NRXN3: variants seen among roughly 807,000 people sequenced by gnomAD.
NRXN3 encodes neurexin 3, also known as neurexin III.
Under a neutral mutation model 137.6 loss-of-function variants are expected in NRXN3, and 32 were observed. The observed-to-expected ratio is 0.23, with a 90% CI of 0.18 to 0.31. The LOEUF is 0.31. Among genes scored for constraint, NRXN3 ranks in the 10% least tolerant of loss-of-function variants. The pLI is 1.00. For synonymous variants in NRXN3, 798 were observed against 784.5 expected (o/e 1.02, Z -0.29); for missense variants, 1,574 against 2,062.5 (o/e 0.76, Z 4.59).
chr14:79,692,274 T>C lies in NRXN3; in HGVS notation c.3706+12T>C. ...GCTGCAGGAAAAAGGTAACCGTCAT[T>C]AAAACTTTCATTTTAAAATCATTTG... On this transcript the variant is annotated intron_variant, in intron 18 of 20. Coordinates refer to ENST00000335750, the MANE Select transcript of NRXN3 (RefSeq NM_001330195.2). The C allele has an allele frequency of 3.2e-6, 5 of 1,579,208 alleles. No individual in the cohort carries two copies. Among genetic ancestry groups the C allele is most frequent in the Non-Finnish European group, 4.3e-6 (5 of 1,156,400 alleles).
chr14:78,891,339 C>G (rs2099158289), intron 10 of NRXN3, among the ~76,000 whole-genome samples: 1 of 151,950 alleles, frequency 6.6e-6, no homozygotes, highest in South Asian at 2.1e-4. Context: ...TGAGGTCATG[C>G]TCTAGTAGTG....
intron 4 of NRXN3, among the ~76,000 whole-genome samples, chr14:78,601,917 T>C (rs925280251): frequency 2.0e-5 from 3 of 152,234 alleles, no homozygotes; most frequent in African/African-American, 7.2e-5. Flanking sequence ...TCATTGAGTG[T>C]CTCCTCAAAG....
At position 78,784,359 on chromosome 14, in the gene NRXN3, C is replaced by A. The variant is rs1039449626; in HGVS notation, c.2045-19261C>A. Among the ~76,000 whole-genome samples, 12 of 152,128 alleles carry A rather than the reference C, an allele frequency of 7.9e-5. No homozygotes were observed. The South Asian group carries it at 1.0e-3, about 13-fold the overall frequency. ...GTTTAAGGAAACAAAAGTAAGCCAG[C>A]ATGCTGGGCTGTAATGGACAAGGAG... On this transcript the variant is annotated intron_variant, in intron 8 of 20. Transcript: ENST00000335750.
intron 15 of NRXN3, among the ~76,000 whole-genome samples, chr14:79,036,813 T>C (rs1568068063): frequency 6.6e-6 from 1 of 151,946 alleles, no homozygotes; most frequent in African/African-American, 2.4e-5. Context: ...ACTATTTTTA[T>C]AGTATTGTTG....
At chr14:78,821,379 G>T (rs774320695) in intron 10 of NRXN3, among the ~76,000 whole-genome samples, 1 of 152,150 alleles carries the variant, frequency 6.6e-6, no homozygotes. Context: ...CTTATTTCCT[G>T]TGAGGGGTTT....
chr14:78,712,759 C>T (rs892221147), intron 7 of NRXN3, among the ~76,000 whole-genome samples: 5 of 152,154 alleles, frequency 3.3e-5, no homozygotes, highest in Non-Finnish European at 5.9e-5. Context: ...GATGGGGTTT[C>T]ACCATGTTGG....
chr14:79,414,589 A>G (rs1214390090), intron 15 of NRXN3, among the ~76,000 whole-genome samples: 2 of 152,176 alleles, frequency 1.3e-5, no homozygotes, highest in African/African-American at 2.4e-5. Context: ...GACGAATAAT[A>G]TCATATGTAT....
At chr14:78,839,190 G>C (rs1258197399) in intron 10 of NRXN3, among the ~76,000 whole-genome samples, 1 of 152,160 alleles carries the variant, frequency 6.6e-6, no homozygotes, top group Admixed American at 6.5e-5. Context: ...TTCTGGGATG[G>C]CCATGGAGCA....
chr14:79,721,308 T>A (rs1223685450), intron 19 of NRXN3, among the ~76,000 whole-genome samples: 6 of 152,144 alleles, frequency 3.9e-5, no homozygotes. Context: ...ATCATTATGC[T>A]TTAGGATAGA....
rs765892906 is a variant in NRXN3 at position 78,714,913 on chromosome 14, C to T, written c.1818C>T (p.Gly606=). ...TGTGGACTGCCATGCTCAACTATGG[C>T]TACGTGGGCTGCATCCGCGACCTAT... The part of the protein sequence containing the change: ...TELWTAMLNY[G]YVGCIRDLFI... The change falls in exon 8 of 21, where the codon GGC becomes GGT. Residue 606 remains glycine (G), a synonymous_variant. Transcript: ENST00000335750. The T allele has an allele frequency of 1.2e-5, 19 of 1,614,034 alleles. No homozygotes were observed. The Admixed American group carries it at 2.3e-4, about 20-fold the overall frequency.
chr14:79,211,735 G>A (rs939125214), intron 15 of NRXN3, among the ~76,000 whole-genome samples: 8 of 152,022 alleles, frequency 5.3e-5, no homozygotes, highest in African/African-American at 1.9e-4. Flanking sequence ...CTATTCCAAG[G>A]GAATTCAAAA....
At chr14:78,412,342 C>T (rs2092882505) in intron 4 of NRXN3, among the ~76,000 whole-genome samples, 1 of 152,126 alleles carries the variant, frequency 6.6e-6, no homozygotes, top group Admixed American at 6.5e-5. Context: ...CCCGAGCATC[C>T]CAGCCAACAT....
rs556152550 is a variant in NRXN3 at position 79,002,008 on chromosome 14, TTTG to T, written c.3262+13872_3262+13874del. On this transcript the variant is annotated intron_variant, in intron 15 of 20. Transcript: ENST00000335750. ...GTAGGATTTTGAGTAGATTATCATT[TTTG>T]TTGTGTATTCACCCTGTTTCCTAGA... 3.2e-4 allele frequency among the ~76,000 whole-genome samples: 48 copies of T among 152,280 alleles called. No individual in the cohort carries two copies. The South Asian group carries it at 8.5e-3, about 27-fold the overall frequency.
chr14:78,596,854 G>A (rs2097161569), intron 4 of NRXN3, among the ~76,000 whole-genome samples: 1 of 152,148 alleles, frequency 6.6e-6, no homozygotes, highest in South Asian at 2.1e-4. Context: ...CCCTGCCAGA[G>A]CTCTGAGGGC....
At chr14:78,894,960 G>C (rs2099169272) in intron 10 of NRXN3, among the ~76,000 whole-genome samples, 1 of 149,818 alleles carries the variant, frequency 6.7e-6, no homozygotes, top group African/African-American at 2.5e-5. Flanking sequence ...AAACCATTTT[G>C]TAAATAGATG....
At chr14:78,822,542 T>C (rs1361236358) in intron 10 of NRXN3, among the ~76,000 whole-genome samples, 1 of 151,488 alleles carries the variant, frequency 6.6e-6, no homozygotes, top group Non-Finnish European at 1.5e-5. Flanking sequence ...GGGCATGGCT[T>C]TGGACACCTG....
chr14:78,561,443 T>G (rs1199130835), intron 4 of NRXN3, among the ~76,000 whole-genome samples: 1 of 152,138 alleles, frequency 6.6e-6, no homozygotes, highest in Admixed American at 6.5e-5. Flanking sequence ...TACATGCCCT[T>G]GAAGAGAAGA....
At chr14:79,398,776 A>G (rs1462476695) in intron 15 of NRXN3, among the ~76,000 whole-genome samples, 2 of 152,032 alleles carry the variant, frequency 1.3e-5, no homozygotes, top group East Asian at 1.9e-4. Context: ...TTGGAAGGCC[A>G]AGTCAGGCAG....
intron 16 of NRXN3, among the ~76,000 whole-genome samples, chr14:79,580,933 A>G (rs886564128): frequency 6.6e-6 from 1 of 152,124 alleles, no homozygotes; most frequent in Non-Finnish European, 1.5e-5. Context: ...TTCTGAAAAC[A>G]ACTATTAATA....
Sources: gnomAD v4.1 joint callset for allele counts (sites outside exome capture counted in the v4.1 genomes callset) on GRCh38, gnomAD v4.1.1 for gene constraint, MANE v1.5 for transcripts, NCBI Gene and HGNC (gene_info 2026-07-23, HGNC 2026-07-21) for gene names.